The following ZMYND8 variants were observed in gnomAD, a reference collection of about 807,000 sequenced individuals.
The protein encoded by ZMYND8 is MYND-type zinc finger-containing chromatin reader ZMYND8.
A neutral mutation model predicts 140.8 loss-of-function variants in ZMYND8; 37 were observed. The ratio of observed to expected loss-of-function variants is 0.26; its 90% CI spans 0.20 to 0.35. ZMYND8 has a LOEUF of 0.35. Ranked by LOEUF, ZMYND8 falls within the 10% of genes least tolerant of loss-of-function variation. ZMYND8 has a pLI of 1.00. For missense variants in ZMYND8, 1,068 were observed against 1,570.0 expected (o/e 0.68, Z 5.40); for synonymous variants, 592 against 597.1 (o/e 0.99, Z 0.12).
intron 19 of ZMYND8, among the ~76,000 whole-genome samples, chr20:47,223,231 C>G (rs544671145): frequency 6.6e-6 from 1 of 152,294 alleles, no homozygotes; most frequent in South Asian, 2.1e-4. Context: ...ATAGGCTGGG[C>G]GTGGTGGCTC....
intron 21 of ZMYND8, 139 bp downstream of exon 21, chr20:47,220,119 C>A: frequency 1.4e-6 from 1 of 704,912 alleles, no homozygotes. Flanking sequence ...CCCCACTGAC[C>A]CACCCCAGGC....
intron 8 of ZMYND8, chr20:47,285,943 C>A: frequency 1.5e-6 from 1 of 682,738 alleles, no homozygotes; most frequent in Admixed American, 6.3e-5. Flanking sequence ...ATATTCCCAG[C>A]GTCTTTGGAG....
At chr20:47,291,021 T>A (rs188466890) in intron 6 of ZMYND8, among the ~76,000 whole-genome samples, 2 of 152,338 alleles carry the variant, frequency 1.3e-5, no homozygotes, top group East Asian at 1.9e-4. Flanking sequence ...GATACAGTAA[T>A]GTTAAGGAAT....
At chr20:47,261,108 C>A (rs2075120901) in intron 12 of ZMYND8, among the ~76,000 whole-genome samples, 1 of 152,088 alleles carries the variant, frequency 6.6e-6, no homozygotes, top group Admixed American at 6.6e-5. Context: ...GTAATCCCAG[C>A]TACTCGGAGG....
chr20:47,299,473 A>G lies in ZMYND8; in HGVS notation c.235-526T>C, dbSNP rs562648524. 7.2e-5 allele frequency among the ~76,000 whole-genome samples: 11 copies of G among 152,378 alleles called. 1 individual carries two copies. The South Asian group carries it at 2.3e-3, about 32-fold the overall frequency. On this transcript the variant is annotated intron_variant, in intron 3 of 22. Transcript: ENST00000471951. ...ATGGAAGTCCCAATTTACAAAGCCA[A>G]TAAAAGCATAGTAGTTTGCCCTGGG...
At chr20:47,354,560 C>T (rs1410334159) in intron 1 of ZMYND8, 3 of 152,200 alleles carry the variant, frequency 2.0e-5, no homozygotes, top group Non-Finnish European at 4.4e-5. Flanking sequence ...CTGCCTTGCA[C>T]AGACTTTTCT....
At chr20:47,309,160 C>T (rs181069105) in intron 3 of ZMYND8, among the ~76,000 whole-genome samples, 58 of 152,260 alleles carry the variant, frequency 3.8e-4, no homozygotes, top group African/African-American at 1.3e-3. Flanking sequence ...AAACGGTGAA[C>T]GGATTTTTCC....
intron 2 of ZMYND8, among the ~76,000 whole-genome samples, chr20:47,330,575 C>T (rs191162713): frequency 1.3e-5 from 2 of 152,042 alleles, no homozygotes; most frequent in East Asian, 3.9e-4. Flanking sequence ...TTAGAAGGCG[C>T]CCATTAGAAG....
chr20:47,317,382 A>G (rs2079491545), intron 2 of ZMYND8, among the ~76,000 whole-genome samples: 1 of 152,020 alleles, frequency 6.6e-6, no homozygotes, highest in South Asian at 2.1e-4. Context: ...AGCAGGCCAC[A>G]TCAGGTACCC....
At chr20:47,271,269 T>C (rs1369524008) in intron 11 of ZMYND8, among the ~76,000 whole-genome samples, 2 of 152,142 alleles carry the variant, frequency 1.3e-5, no homozygotes, top group Non-Finnish European at 1.5e-5. Context: ...TGTGTAAAAC[T>C]TACCCAAGAG....
intron 21 of ZMYND8, among the ~76,000 whole-genome samples, chr20:47,215,635 A>T (rs2146826492): frequency 6.6e-6 from 1 of 152,146 alleles, no homozygotes; most frequent in South Asian, 2.1e-4. Context: ...CAGCCTCTCC[A>T]AGTAGCTGGG....
At chr20:47,290,757 C>A (rs996334741) in intron 6 of ZMYND8, among the ~76,000 whole-genome samples, 5 of 151,430 alleles carry the variant, frequency 3.3e-5, no homozygotes, top group African/African-American at 1.2e-4. Flanking sequence ...ATGCCCAGCT[C>A]ATTTTGTATT....
chr20:47,286,746 AAG>A (rs2076947321), intron 8 of ZMYND8, among the ~76,000 whole-genome samples: 1 of 152,196 alleles, frequency 6.6e-6, no homozygotes, highest in African/African-American at 2.4e-5. Flanking sequence ...TCACACGCCT[AAG>A]AGGTCTGTTC....
intron 2 of ZMYND8, among the ~76,000 whole-genome samples, chr20:47,330,525 C>T (rs1485773934): frequency 2.0e-5 from 3 of 152,008 alleles, no homozygotes; most frequent in African/African-American, 7.3e-5. Flanking sequence ...TAAGGAGCCA[C>T]TGCAAATTTA....
At chr20:47,349,981 G>T in intron 1 of ZMYND8, 6 of 1,519,866 alleles carry the variant, frequency 3.9e-6, no homozygotes, top group South Asian at 1.2e-5. Flanking sequence ...CTTCAGGCAG[G>T]AATGCTGCTG....
At chr20:47,264,949 A>G (rs1020036132) in intron 11 of ZMYND8, among the ~76,000 whole-genome samples, 2 of 151,822 alleles carry the variant, frequency 1.3e-5, no homozygotes, top group Admixed American at 6.6e-5. Context: ...AGATGGGAGG[A>G]TCCATTGAGC....
chr20:47,329,519 C>A (rs959584877), intron 2 of ZMYND8, among the ~76,000 whole-genome samples: 1 of 152,152 alleles, frequency 6.6e-6, no homozygotes, highest in Non-Finnish European at 1.5e-5. Flanking sequence ...ATTCTCCAGC[C>A]TCATCCTCCT....
chr20:47,349,803 C>CTGAAAT, intron 1 of ZMYND8: 2 of 1,532,046 alleles, frequency 1.3e-6, no homozygotes, highest in South Asian at 2.4e-5. Context: ...TGTGATCCAA[C>CTGAAAT]TGAAATCTAC....
chr20:47,347,949 C>T, intron 1 of ZMYND8, 23 bp from the exon 2 acceptor site: 1 of 1,612,808 alleles, frequency 6.2e-7, no homozygotes, highest in Non-Finnish European at 8.5e-7. Flanking sequence ...AAATTATGTT[C>T]ATGTTTAGGA....
Sources: allele counts gnomAD v4.1 joint callset (sites outside exome capture counted in the v4.1 genomes callset), GRCh38; gene constraint gnomAD v4.1.1; transcripts MANE v1.5; gene names NCBI Gene and HGNC (gene_info 2026-07-23, HGNC 2026-07-21).